The following SUPT3H variants were observed in gnomAD, a reference collection of about 807,000 sequenced individuals.
SUPT3H encodes transcription initiation protein SPT3 homolog.
In SUPT3H, 44 loss-of-function variants were observed where a neutral mutation model predicts 44.3. The observed-to-expected ratio is 0.99, with a 90% confidence interval of 0.78 to 1.28. The LOEUF (loss-of-function observed/expected upper bound fraction) is 1.28, where lower values mean the gene tolerates loss of function less well. Ranked by LOEUF, SUPT3H falls within the 50% of genes most tolerant of loss-of-function variation. SUPT3H has a pLI of 0.00. For missense variants in SUPT3H, 380 were observed against 387.1 expected (o/e 0.98, Z 0.15); for synonymous variants, 124 against 125.6 (o/e 0.99, Z 0.09).
chr6:45,204,492 C>T (rs1199491297), intron 2 of SUPT3H, among the ~76,000 whole-genome samples: 1 of 152,154 alleles, frequency 6.6e-6, no homozygotes, highest in Non-Finnish European at 1.5e-5. Context: ...TCTGACTATA[C>T]TCATCAGAGC....
At chr6:45,018,604 T>A (rs912165361) in intron 4 of SUPT3H, among the ~76,000 whole-genome samples, 1 of 151,970 alleles carries the variant, frequency 6.6e-6, no homozygotes, top group Admixed American at 6.6e-5. Flanking sequence ...ATTGAGATAA[T>A]CATGTGGTTT....
At chr6:45,025,432 G>A (rs1053317924) in intron 3 of SUPT3H, among the ~76,000 whole-genome samples, 2 of 152,180 alleles carry the variant, frequency 1.3e-5, no homozygotes, top group Admixed American at 6.5e-5. Context: ...TTTGTTAAAT[G>A]TTGGCAATCC....
intron 2 of SUPT3H, among the ~76,000 whole-genome samples, chr6:45,285,889 A>G (rs535305758): frequency 1.6e-4 from 24 of 152,262 alleles, no homozygotes; most frequent in African/African-American, 5.1e-4. Context: ...ACTGGTACCA[A>G]AACAGAGGAT....
rs1272743610 is a variant in SUPT3H, at chr6:44,892,790, C to T, written c.912+39863G>A. ...TAGAGCCCAGGACTGAAGCCCAGGC[C>T]TCTTGACTTCTGCTCTTTTCACCAC... On this transcript the variant is annotated intron_variant, in intron 10 of 10. Transcript: ENST00000371459. 2.6e-5 allele frequency among the ~76,000 whole-genome samples: 4 copies of T among 152,252 alleles called. No homozygotes were observed. In the East Asian group the frequency reaches 7.7e-4, roughly 29 times the overall value.
At chr6:45,231,470 G>C (rs935194315) in intron 2 of SUPT3H, among the ~76,000 whole-genome samples, 1 of 152,150 alleles carries the variant, frequency 6.6e-6, no homozygotes, top group Non-Finnish European at 1.5e-5. Flanking sequence ...CTCTTAGTCT[G>C]ATGGGGCTCT....
At chr6:45,311,688 C>A (rs1783977294) in intron 2 of SUPT3H, among the ~76,000 whole-genome samples, 1 of 152,064 alleles carries the variant, frequency 6.6e-6, no homozygotes, top group African/African-American at 2.4e-5. Flanking sequence ...CAATCTTCAG[C>A]CAAGAATTTT....
In SUPT3H at chr6:44,967,537, C is replaced by T. The variant is rs184220687; in HGVS notation, c.505-5709G>A. On this transcript the variant is annotated intron_variant, in intron 6 of 10. Transcript: ENST00000371459. ...GTGCCTTTGAAAAATACTTTCAGTA[C>T]GGACAATCATCATTTGCCCTGTCTA... Among the ~76,000 whole-genome samples, 246 of 152,254 alleles carry T rather than the reference C, an allele frequency of 1.6e-3. 1 individual carries two copies. The highest frequency in any genetic ancestry group is 2.8e-3 in the Non-Finnish European group (193 of 68,028).
intron 11 of SUPT3H, among the ~76,000 whole-genome samples, chr6:44,814,647 GAGC>G (rs1766780110): frequency 1.3e-5 from 2 of 152,020 alleles, no homozygotes; most frequent in Non-Finnish European, 2.9e-5. Context: ...TTGGGGGTGG[GAGC>G]AGTGTTATAG....
At chr6:45,373,357 G>GT (rs1280899627) in intron 1 of SUPT3H, among the ~76,000 whole-genome samples, 1 of 152,142 alleles carries the variant, frequency 6.6e-6, no homozygotes, top group African/African-American at 2.4e-5. Flanking sequence ...ATTCTAGAAA[G>GT]TAAGAGCCTC....
chr6:44,958,398 G>T (rs960629516), intron 7 of SUPT3H, among the ~76,000 whole-genome samples: 1 of 151,964 alleles, frequency 6.6e-6, no homozygotes, highest in Non-Finnish European at 1.5e-5. Flanking sequence ...TTTCCTTAGG[G>T]TCCTCTGGAA....
intron 10 of SUPT3H, among the ~76,000 whole-genome samples, chr6:44,867,829 T>C (rs1194508564): frequency 1.3e-5 from 2 of 152,252 alleles, no homozygotes; most frequent in South Asian, 2.1e-4. Flanking sequence ...CATTAAGCTA[T>C]TGAGTTTCAT....
intron 2 of SUPT3H, among the ~76,000 whole-genome samples, chr6:45,294,541 T>C (rs769504880): frequency 1.3e-5 from 2 of 151,948 alleles, no homozygotes; most frequent in African/African-American, 2.4e-5. Flanking sequence ...AGTCAAACTG[T>C]TGCTGTTTGC....
intron 9 of SUPT3H, among the ~76,000 whole-genome samples, chr6:44,947,634 AT>A (rs1189250801): frequency 6.6e-6 from 1 of 152,188 alleles, no homozygotes; most frequent in South Asian, 2.1e-4. Context: ...CAGCATGTCC[AT>A]ATTAAGCTTA....
intron 2 of SUPT3H, among the ~76,000 whole-genome samples, chr6:45,351,175 G>C (rs970258088): frequency 2.6e-5 from 4 of 151,974 alleles, no homozygotes; most frequent in Non-Finnish European, 4.4e-5. Flanking sequence ...TGTAATAGCT[G>C]GTCACAGAAA....
chr6:45,191,711 G>A (rs1203454012), intron 2 of SUPT3H, among the ~76,000 whole-genome samples: 1 of 151,910 alleles, frequency 6.6e-6, no homozygotes, highest in Non-Finnish European at 1.5e-5. Flanking sequence ...AGATAAATGT[G>A]GGCACTTTAA....
intron 2 of SUPT3H, among the ~76,000 whole-genome samples, chr6:45,134,116 G>T (rs979272897): frequency 6.6e-6 from 1 of 152,118 alleles, no homozygotes; most frequent in African/African-American, 2.4e-5. Flanking sequence ...TGGAGGTTGG[G>T]AAGCCCAAGG....
intron 2 of SUPT3H, among the ~76,000 whole-genome samples, chr6:45,131,277 A>G (rs1449631277): frequency 6.6e-6 from 1 of 152,170 alleles, no homozygotes; most frequent in Admixed American, 6.5e-5. Flanking sequence ...AAATCTCATG[A>G]GATTTTTTCC....
intron 10 of SUPT3H, among the ~76,000 whole-genome samples, chr6:44,856,446 G>GC (rs1351531710): frequency 2.0e-5 from 3 of 152,048 alleles, no homozygotes; most frequent in Non-Finnish European, 4.4e-5. Flanking sequence ...AGAAAATCAG[G>GC]CCAAAAATGA....
intron 2 of SUPT3H, among the ~76,000 whole-genome samples, chr6:45,284,284 A>G (rs1356235613): frequency 6.6e-6 from 1 of 151,900 alleles, no homozygotes; most frequent in Non-Finnish European, 1.5e-5. Context: ...AAAACCCTTC[A>G]GAAAATCAGT....
Sources: allele counts gnomAD v4.1 joint callset (sites outside exome capture counted in the v4.1 genomes callset), GRCh38; gene constraint gnomAD v4.1.1; transcripts MANE v1.5; gene names NCBI Gene and HGNC (gene_info 2026-07-23, HGNC 2026-07-21).